The following CEP350 variants were observed in gnomAD, a reference collection of about 807,000 sequenced individuals.
CEP350 encodes the protein centrosome-associated protein 350.
A neutral mutation model predicts 331.8 loss-of-function variants in CEP350; 126 were observed. The ratio of observed to expected loss-of-function variants is 0.38; its 90% CI spans 0.33 to 0.44. CEP350 has a LOEUF of 0.44. CEP350 is among the 20% of genes least tolerant of loss of function. CEP350 has a pLI of 1.00. For missense variants in CEP350, 3,406 were observed against 3,634.6 expected (o/e 0.94, Z 1.62); for synonymous variants, 1,200 against 1,259.5 (o/e 0.95, Z 1.00).
chr1:180,050,673 CAAA>C (rs4058356), intron 22 of CEP350, among the ~76,000 whole-genome samples: 15,985 of 84,192 alleles, frequency 0.19, 939 homozygotes, highest in South Asian at 0.26. Flanking sequence ...CCAAAAAAAC[CAAA>C]AAAAAAAAAA....
At chr1:179,975,501 GAAGA>G (rs1478478111) in intron 1 of CEP350, among the ~76,000 whole-genome samples, 3 of 151,786 alleles carry the variant, frequency 2.0e-5, no homozygotes, top group African/African-American at 7.3e-5. Flanking sequence ...GAGGCAAGGG[GAAGA>G]AAGAAAGAAA....
intron 17 of CEP350, among the ~76,000 whole-genome samples, chr1:180,037,615 T>C (rs1289821630): frequency 2.0e-5 from 3 of 152,146 alleles, no homozygotes. Context: ...TAGTATAAAA[T>C]ACACAGATTT....
At chr1:179,994,280 G>A (rs1316230502) in intron 5 of CEP350, among the ~76,000 whole-genome samples, 1 of 151,834 alleles carries the variant, frequency 6.6e-6, no homozygotes, top group East Asian at 1.9e-4. Flanking sequence ...AACATTTTAT[G>A]TTTTATTTTA....
intron 1 of CEP350, among the ~76,000 whole-genome samples, chr1:179,956,327 A>G (rs1558060117): frequency 1.3e-5 from 2 of 152,240 alleles, no homozygotes; most frequent in Admixed American, 1.3e-4. Context: ...AATACATTGT[A>G]TATGTGGATA....
intron 27 of CEP350, among the ~76,000 whole-genome samples, chr1:180,070,915 C>T (rs1036061871): frequency 2.6e-5 from 4 of 151,826 alleles, no homozygotes; most frequent in African/African-American, 4.8e-5. Context: ...TTTGGGAGGC[C>T]GAGGTGGGCA....
At chr1:179,985,769 CT>C (rs34616408) in intron 1 of CEP350, among the ~76,000 whole-genome samples, 85,971 of 151,772 alleles carry the variant, frequency 0.57, 26,223 homozygotes, top group East Asian at 0.71. Context: ...AACTGCCCCC[CT>C]GATCCAATTA....
At chr1:180,090,835 A>C (rs1163336533) in intron 33 of CEP350, 39 bp downstream of exon 33, 1 of 1,480,932 alleles carries the variant, frequency 6.8e-7, no homozygotes, top group South Asian at 1.4e-5. Flanking sequence ...GTAGCTACAT[A>C]GTCTAAGGAT....
At chr1:180,026,170 C>T (rs192117656) in intron 14 of CEP350, among the ~76,000 whole-genome samples, 60 of 151,774 alleles carry the variant, frequency 4.0e-4, no homozygotes, top group Admixed American at 2.8e-3. Flanking sequence ...ACTCGGGAGG[C>T]TGAGGCAGGA....
At chr1:180,072,340 T>G (rs1425416165) in intron 27 of CEP350, among the ~76,000 whole-genome samples, 2 of 152,198 alleles carry the variant, frequency 1.3e-5, no homozygotes, top group Non-Finnish European at 2.9e-5. Context: ...ATTGTCTATT[T>G]TTAAAGTTTA....
intron 1 of CEP350, among the ~76,000 whole-genome samples, chr1:179,960,780 TA>T (rs2148532007): frequency 6.6e-6 from 1 of 152,320 alleles, no homozygotes; most frequent in South Asian, 2.1e-4. Flanking sequence ...AATTTAGTAA[TA>T]AAAATATTTA....
intron 14 of CEP350, among the ~76,000 whole-genome samples, chr1:180,027,744 A>T (rs1332167806): frequency 6.6e-6 from 1 of 152,050 alleles, no homozygotes; most frequent in Non-Finnish European, 1.5e-5. Flanking sequence ...TATTTAGGTT[A>T]TTTTCTTTTT....
Position 180,094,630 on chromosome 1 carries a change from C to G in CEP350, c.8511+14C>G. ...TGTCCCAGACCGGTGAGTATTTCGT[C>G]TAGAAAAAGTATCAGTATACCTTTT... On this transcript the variant is annotated intron_variant, in intron 34 of 37. Coordinates refer to ENST00000367607, the MANE Select transcript of CEP350 (RefSeq NM_014810.5). 6.2e-7 allele frequency: 1 copy of G among 1,601,558 alleles called. No homozygotes were observed. Among genetic ancestry groups the G allele is most frequent in the Non-Finnish European group, 8.5e-7 (1 of 1,175,136 alleles).
rs543652330 is a variant in CEP350 at position 180,044,307 on chromosome 1, C to T, written c.4622+134C>T. 1.9e-5 allele frequency: 16 copies of T among 822,990 alleles called. No homozygotes were observed. The Admixed American group carries it at 5.3e-4, about 27-fold the overall frequency. 51.0% of individuals were successfully genotyped at this position (822,990 alleles called of 1,614,324 possible). A position where few individuals can be genotyped will look rare whatever the true frequency, so the allele number is the denominator to read the frequency against. ...TGTGCCCTTCAAAGTGCTGGCTTCC[C>T]TAATTAGCCAATTTACAAAATAGTT... is the stretch of plus-strand genomic sequence containing the variant. On this transcript the variant is annotated intron_variant, in intron 21 of 37. Coordinates refer to ENST00000367607, the MANE Select transcript of CEP350 (RefSeq NM_014810.5).
At chr1:180,032,645 T>C (rs1656096612) in intron 15 of CEP350, among the ~76,000 whole-genome samples, 1 of 152,074 alleles carries the variant, frequency 6.6e-6, no homozygotes, top group Admixed American at 6.6e-5. Flanking sequence ...TTTTTTTTTT[T>C]TCCTATTTGC....
chr1:180,084,446 G>T (rs1026198542), intron 31 of CEP350, among the ~76,000 whole-genome samples: 14 of 152,262 alleles, frequency 9.2e-5, no homozygotes, highest in African/African-American at 3.4e-4. Flanking sequence ...CTCACTGCAA[G>T]ATCCGCCCCC....
rs148264157 is a variant in CEP350, at chr1:180,093,582, G to A, written c.7477G>A (p.Glu2493Lys). ...CTTGGCTTCAGTTCCTACTGCAGACGAGTTATTTGATTTCCACATTGGTGA... is the reference window on the plus strand; with the variant it reads ...CTTGGCTTCAGTTCCTACTGCAGACAAGTTATTTGATTTCCACATTGGTGA... ...PSLASVPTAD[E>K]LFDFHIGDRV... The change falls in exon 34 of 38, where the codon GAG (glutamate) becomes AAG (lysine). Residue 2493 changes from glutamate to lysine, a missense_variant. Glu to Lys is a moderately conservative substitution (Grantham distance 56, BLOSUM62 1). Around this residue, in one of 5 missense-constraint regions of CEP350, gnomAD observed 1,415 missense variants for 1,512.3 expected, o/e 0.94. Coordinates refer to ENST00000367607, the MANE Select transcript of CEP350 (RefSeq NM_014810.5). 46 of 1,613,780 alleles carry A rather than the reference G, an allele frequency of 2.9e-5. No homozygotes were observed. The highest frequency in any genetic ancestry group is 1.6e-4 in the Middle Eastern group (1 of 6,084).
chr1:180,042,167 C>CACACACACACACACACAT (rs3223192), intron 19 of CEP350, among the ~76,000 whole-genome samples: 1 of 150,198 alleles, frequency 6.7e-6, no homozygotes, highest in African/African-American at 2.5e-5. Flanking sequence ...CACACACACA[C>CACACACACACACACACAT]ATCTCCCTAT....
chr1:180,041,929 G>T (rs2148920400), intron 19 of CEP350, 127 bp downstream of exon 19: 1 of 801,396 alleles, frequency 1.2e-6, no homozygotes, highest in Non-Finnish European at 1.9e-6. Context: ...TTTAGTGGGG[G>T]CCATACCCTA....
Position 180,046,890 on chromosome 1 carries a change from C to T in CEP350, c.4623-1646C>T, listed in dbSNP as rs564350761. Among the ~76,000 whole-genome samples, 142 of 152,328 alleles carry T rather than the reference C, an allele frequency of 9.3e-4. 1 individual carries two copies. Among genetic ancestry groups the T allele is most frequent in the Admixed American group, 3.3e-3 (51 of 15,300 alleles). ...ACTAATTGGTAGAATTGGGATTCAACCCCATGTCCTTCTGACTTGAAAGTC... is the reference window on the plus strand; with the variant it reads ...ACTAATTGGTAGAATTGGGATTCAATCCCATGTCCTTCTGACTTGAAAGTC... On this transcript the variant is annotated intron_variant, in intron 21 of 37. Coordinates refer to ENST00000367607, the MANE Select transcript of CEP350 (RefSeq NM_014810.5).
Sources: allele counts gnomAD v4.1 joint callset (sites outside exome capture counted in the v4.1 genomes callset), GRCh38; gene constraint gnomAD v4.1.1; regional missense constraint gnomAD v4.1.1; transcripts MANE v1.5; gene names NCBI Gene and HGNC (gene_info 2026-07-23, HGNC 2026-07-21).